Variants in STPG2 observed in about 807,000 individuals in gnomAD.
STPG2 encodes the protein sperm-tail PG-rich repeat-containing protein 2.
In STPG2, 56 loss-of-function variants were observed where a neutral mutation model predicts 54.2. The ratio of observed to expected loss-of-function variants is 1.03; its 90% CI spans 0.83 to 1.29. The LOEUF (loss-of-function observed/expected upper bound fraction) is 1.29. STPG2 is among the 50% of genes most tolerant of loss of function. The pLI is 0.00. For missense variants in STPG2, 596 were observed against 544.9 expected, an observed-to-expected ratio of 1.09 and a Z score of -0.93; for synonymous variants, 200 against 181.8, an observed-to-expected ratio of 1.10 and a Z score of -0.81.
intron 5 of STPG2, among the ~76,000 whole-genome samples, chr4:98,043,413 T>C (rs1479918361): frequency 2.0e-5 from 3 of 152,078 alleles, no homozygotes; most frequent in East Asian, 1.9e-4. Flanking sequence ...TGTCCCTCTT[T>C]TTCTCTTGCT....
intron 5 of STPG2, among the ~76,000 whole-genome samples, chr4:98,090,025 T>C (rs1738640700): frequency 6.6e-6 from 1 of 152,150 alleles, no homozygotes; most frequent in Non-Finnish European, 1.5e-5. Flanking sequence ...TGATTATTTC[T>C]TTTGCTGTGC....
intron 9 of STPG2, among the ~76,000 whole-genome samples, chr4:97,816,714 C>T (rs1318346530): frequency 6.7e-6 from 1 of 150,360 alleles, no homozygotes; most frequent in Non-Finnish European, 1.5e-5. Flanking sequence ...TCCTTCCTTC[C>T]TTCCTTCCTC....
rs1017433884 is a variant in STPG2 at position 97,927,578 on chromosome 4, G to A, written c.1044+16319C>T. Among the ~76,000 whole-genome samples the A allele has an allele frequency of 2.6e-5, 4 of 151,560 alleles. No individual in the cohort carries two copies. In the East Asian group the frequency reaches 5.8e-4, roughly 22 times the overall value. On this transcript the variant is annotated intron_variant, in intron 8 of 10. Coordinates refer to ENST00000295268, the MANE Select transcript of STPG2 (RefSeq NM_174952.3). The stretch of plus-strand genomic sequence containing the variant: ...AGTTATATACCTTATAATAACATCC[G>A]AGATCTTTATGCTTATATAGCTTTT...
intron 10 of STPG2, among the ~76,000 whole-genome samples, chr4:97,570,819 G>T (rs1560666637): frequency 6.6e-6 from 1 of 152,044 alleles, no homozygotes; most frequent in Non-Finnish European, 1.5e-5. Flanking sequence ...ATGTAAACTG[G>T]AATCCAAAGC....
intron 5 of STPG2, among the ~76,000 whole-genome samples, chr4:98,095,008 T>C (rs1049111661): frequency 4.6e-5 from 7 of 152,026 alleles, no homozygotes; most frequent in African/African-American, 1.7e-4. Flanking sequence ...CAATAGGACA[T>C]AAGGAAAAAC....
At chr4:97,829,392 TAGATAAATTCACAA>T (rs1191265944) in intron 9 of STPG2, among the ~76,000 whole-genome samples, 3 of 151,956 alleles carry the variant, frequency 2.0e-5, no homozygotes, top group African/African-American at 7.3e-5. Flanking sequence ...AGAGCAAAGG[TAGATAAATTCACAA>T]AGATGGGGAG....
chr4:97,587,509 T>A (rs560762572), intron 10 of STPG2, among the ~76,000 whole-genome samples: 3 of 151,950 alleles, frequency 2.0e-5, no homozygotes, highest in Non-Finnish European at 4.4e-5. Context: ...AACCTTCAAG[T>A]TTGATAATAT....
chr4:98,115,039 C>T (rs1739477960), intron 3 of STPG2, among the ~76,000 whole-genome samples: 1 of 151,836 alleles, frequency 6.6e-6, no homozygotes, highest in African/African-American at 2.4e-5. Flanking sequence ...TAAAATATGA[C>T]TTAATTGAAG....
At chr4:97,523,471 C>T (rs1396832368) in intron 4 of STPG2, among the ~76,000 whole-genome samples, 1 of 151,770 alleles carries the variant, frequency 6.6e-6, no homozygotes, top group African/African-American at 2.4e-5. Flanking sequence ...CAAGGCAAGG[C>T]TATGTAAAAT....
intron 4 of STPG2, among the ~76,000 whole-genome samples, chr4:97,501,695 C>CA (rs1048132380): frequency 2.1e-3 from 282 of 132,106 alleles, no homozygotes; most frequent in African/African-American, 4.0e-3. Flanking sequence ...GACCCTGTCT[C>CA]AAAAAAAAAA....
At chr4:97,568,058 C>T (rs1057422614) in intron 10 of STPG2, among the ~76,000 whole-genome samples, 1 of 151,992 alleles carries the variant, frequency 6.6e-6, no homozygotes, top group Admixed American at 6.6e-5. Flanking sequence ...ATAGTGGATG[C>T]AAACAGTGAC....
At chr4:97,650,840 A>G (rs1291355974) in intron 10 of STPG2, among the ~76,000 whole-genome samples, 3 of 152,150 alleles carry the variant, frequency 2.0e-5, no homozygotes, top group Non-Finnish European at 2.9e-5. Context: ...GAGAAGAAAC[A>G]TGTTTTCAGG....
chr4:97,766,702 T>C (rs1182592600), intron 9 of STPG2, among the ~76,000 whole-genome samples: 1 of 152,074 alleles, frequency 6.6e-6, no homozygotes, highest in African/African-American at 2.4e-5. Flanking sequence ...TGCTTGCTTT[T>C]ATGAGAAAAA....
chr4:97,596,527 C>T (rs568197173), intron 10 of STPG2, among the ~76,000 whole-genome samples: 42 of 152,036 alleles, frequency 2.8e-4, no homozygotes, highest in Admixed American at 5.9e-4. Context: ...AAACAATCCT[C>T]AGTAGATTCA....
intron 10 of STPG2, among the ~76,000 whole-genome samples, chr4:97,630,231 G>T (rs1473853485): frequency 6.6e-6 from 1 of 151,592 alleles, no homozygotes; most frequent in African/African-American, 2.4e-5. Context: ...AAAGTCCAAG[G>T]GCTCTATTTG....
intron 9 of STPG2, among the ~76,000 whole-genome samples, chr4:97,769,161 T>C (rs1274981631): frequency 6.6e-6 from 1 of 152,032 alleles, no homozygotes; most frequent in Middle Eastern, 3.2e-3. Flanking sequence ...CAAGAGATGG[T>C]TTGTTCAGTC....
chr4:98,028,735 T>C (rs1346906481), intron 5 of STPG2, among the ~76,000 whole-genome samples: 1 of 152,124 alleles, frequency 6.6e-6, no homozygotes, highest in East Asian at 1.9e-4. Flanking sequence ...CTCTTTGGAG[T>C]TTAGTTTCTC....
intron 9 of STPG2, among the ~76,000 whole-genome samples, chr4:97,814,297 T>G (rs1578587701): frequency 6.6e-6 from 1 of 152,102 alleles, no homozygotes; most frequent in Admixed American, 6.6e-5. Flanking sequence ...CTTAGGCTAT[T>G]AATTTAGGAC....
intron 9 of STPG2, among the ~76,000 whole-genome samples, chr4:97,833,470 C>G (rs544846350): frequency 4.7e-4 from 72 of 152,038 alleles, no homozygotes; most frequent in African/African-American, 1.6e-3. Flanking sequence ...ATTAAAACAC[C>G]AAAAGCAATG....
Sources: gnomAD v4.1 joint callset for allele counts (sites outside exome capture counted in the v4.1 genomes callset) on GRCh38, gnomAD v4.1.1 for gene constraint, MANE v1.5 for transcripts, NCBI Gene and HGNC (gene_info 2026-07-23, HGNC 2026-07-21) for gene names.